Variants in DCT observed in about 807,000 individuals in gnomAD.
The protein encoded by DCT is L-dopachrome tautomerase.
In DCT, 47 loss-of-function variants were observed where a neutral mutation model predicts 53.0. The ratio of observed to expected loss-of-function variants is 0.89; its 90% CI spans 0.70 to 1.13. DCT has a LOEUF of 1.13. DCT is among the 50% of genes most tolerant of loss of function. The pLI is 0.00. For synonymous variants in DCT, 244 were observed against 237.0 expected, an observed-to-expected ratio of 1.03 and a Z score of -0.27; for missense variants, 669 against 637.4, an observed-to-expected ratio of 1.05 and a Z score of -0.53.
At chr13:94,448,903 CA>C (rs111824274) in intron 6 of DCT, among the ~76,000 whole-genome samples, 5,423 of 146,676 alleles carry the variant, frequency 0.037, 341 homozygotes, top group African/African-American at 0.13. Flanking sequence ...GACTCCATCT[CA>C]AAAAAAAAAT....
At chr13:94,456,604 T>G (rs974131805) in intron 6 of DCT, among the ~76,000 whole-genome samples, 1 of 152,222 alleles carries the variant, frequency 6.6e-6, no homozygotes, top group African/African-American at 2.4e-5. Context: ...ATGATAACAT[T>G]TGTATTGTAC....
At chr13:94,521,109 AT>A in the DCT span, among the ~76,000 whole-genome samples, 1 of 152,204 alleles carries the variant, frequency 6.6e-6, no homozygotes, top group South Asian at 2.1e-4. Flanking sequence ...TGTGGAGTCC[AT>A]CTGCCTGGTT....
Position 94,479,319 on chromosome 13 carries a change from C to T in DCT, c.-64G>A, listed in dbSNP as rs1355811846. The T allele has an allele frequency of 1.5e-6, 2 of 1,341,556 alleles. No individual in the cohort carries two copies. Among genetic ancestry groups the T allele is most frequent in the East Asian group, 4.9e-5 (2 of 40,490 alleles). The allele number at this position is 1,341,556 out of a possible 1,614,324, so 83.1% of individuals were successfully genotyped here. The stretch of plus-strand genomic sequence containing the variant: ...TCCTTGTCTCTGTCGTACTTTTCTC[C>T]TTATCTTCTACTCTTTCAGTCTTTT... On this transcript the variant is annotated 5_prime_UTR_variant, in exon 1 of 8. Transcript: ENST00000377028.
chr13:94,527,336 C>A, the DCT span, among the ~76,000 whole-genome samples: 1 of 152,232 alleles, frequency 6.6e-6, no homozygotes, highest in Admixed American at 6.5e-5. Flanking sequence ...TCAAGTGGGT[C>A]CCTGACCCCT....
chr13:94,490,991 A>G, the DCT span, among the ~76,000 whole-genome samples: 2 of 152,218 alleles, frequency 1.3e-5, no homozygotes, highest in African/African-American at 4.8e-5. Context: ...GGAGCTCAGC[A>G]GAAGAGTATG....
intron 5 of DCT, among the ~76,000 whole-genome samples, chr13:94,460,796 A>T: frequency 6.6e-6 from 1 of 152,216 alleles, no homozygotes; most frequent in African/African-American, 2.4e-5. Flanking sequence ...TTCTACCACC[A>T]TAGAAAGACT....
the DCT span, among the ~76,000 whole-genome samples, chr13:94,485,798 G>C: frequency 1.5e-4 from 23 of 152,260 alleles, no homozygotes; most frequent in Admixed American, 7.8e-4. Flanking sequence ...GAATTGCTAG[G>C]GAGTGACTGA....
intron 6 of DCT, chr13:94,444,506 T>C (rs751579233): frequency 7.3e-6 from 3 of 408,682 alleles, no homozygotes; most frequent in Non-Finnish European, 1.4e-5. Context: ...TTTTAAAATA[T>C]AGCAATTACT....
the DCT span, among the ~76,000 whole-genome samples, chr13:94,545,964 CT>C: frequency 6.6e-6 from 1 of 152,042 alleles, no homozygotes; most frequent in East Asian, 1.9e-4. Flanking sequence ...TCTGAGCCCC[CT>C]TCTAGACCAG....
intron 1 of DCT, among the ~76,000 whole-genome samples, chr13:94,474,970 TG>T (rs1884979942): frequency 1.3e-5 from 2 of 152,156 alleles, no homozygotes; most frequent in Admixed American, 1.3e-4. Context: ...ATCTCTTCCT[TG>T]AGAAATTTTG....
chr13:94,479,540 C>G lies in DCT; in HGVS notation c.-285G>C. ...ACCAAATTTAATGAGGGTAGCGCTT[C>G]TCACCATCTTCCCCCGTTAAGTCAG... is the stretch of plus-strand genomic sequence containing the variant. On this transcript the variant is annotated 5_prime_UTR_variant, in exon 1 of 8. Transcript: ENST00000377028. 6.3e-6 allele frequency: 2 copies of G among 319,690 alleles called. No homozygotes were observed. The highest frequency in any genetic ancestry group is 1.2e-5 in the Non-Finnish European group (2 of 173,692). 19.8% of individuals were successfully genotyped at this position (319,690 alleles called of 1,614,324 possible). A position where few individuals can be genotyped will look rare whatever the true frequency, so the allele number is the denominator to read the frequency against.
the DCT span, among the ~76,000 whole-genome samples, chr13:94,540,119 A>G: frequency 6.6e-6 from 1 of 152,206 alleles, no homozygotes; most frequent in African/African-American, 2.4e-5. Flanking sequence ...TTCTAAAAAA[A>G]AAAATGTGTT....
intron 6 of DCT, among the ~76,000 whole-genome samples, chr13:94,457,834 G>C (rs1006595270): frequency 6.6e-6 from 1 of 152,164 alleles, no homozygotes; most frequent in Non-Finnish European, 1.5e-5. Flanking sequence ...GAATGTGTAT[G>C]TTGTCTAAAT....
At chr13:94,494,378 A>G in the DCT span, among the ~76,000 whole-genome samples, 1 of 152,176 alleles carries the variant, frequency 6.6e-6, no homozygotes, top group Non-Finnish European at 1.5e-5. Flanking sequence ...AGGTGTAATC[A>G]GCCTCACTGA....
Position 94,479,041 on chromosome 13 carries a change from C to T in DCT, c.215G>A (p.Ser72Asn), listed in dbSNP as rs539459863. The T allele has an allele frequency of 9.3e-6, 15 of 1,614,256 alleles. No homozygotes were observed. In the East Asian group the frequency reaches 2.9e-4, roughly 31 times the overall value. ...TEVRADTRPW[S>N]GPYILRNQDD... is the part of the protein sequence containing the mutation. Reference sequence around the variant, plus strand: ...CTGGTTTCGTAGGATGTAGGGACCACTCCAGGGCCTTGTGTCGGCTCGCAC... The same window carrying T: ...CTGGTTTCGTAGGATGTAGGGACCATTCCAGGGCCTTGTGTCGGCTCGCAC... Residue 72 changes from serine (S) to asparagine (N), a missense_variant, in exon 1 of 8, where the codon AGT becomes AAT. Coordinates refer to ENST00000377028, the MANE Select transcript of DCT (RefSeq NM_001922.5).
chr13:94,533,312 G>C, the DCT span, among the ~76,000 whole-genome samples: 1 of 151,332 alleles, frequency 6.6e-6, no homozygotes, highest in East Asian at 1.9e-4. Context: ...AATTCTTTTT[G>C]TCCAAAAGAT....
intron 6 of DCT, among the ~76,000 whole-genome samples, chr13:94,451,804 G>A (rs549021626): frequency 4.6e-5 from 7 of 152,166 alleles, no homozygotes; most frequent in Admixed American, 3.9e-4. Context: ...ATCTTTACAT[G>A]ACCAGATTAT....
chr13:94,536,313 C>T, the DCT span, among the ~76,000 whole-genome samples: 1 of 152,152 alleles, frequency 6.6e-6, no homozygotes, highest in Non-Finnish European at 1.5e-5. Context: ...CCTGTGATGC[C>T]TCCAAGAAGC....
the DCT span, among the ~76,000 whole-genome samples, chr13:94,538,097 A>G: frequency 3.9e-5 from 6 of 152,090 alleles, no homozygotes; most frequent in Non-Finnish European, 8.8e-5. Context: ...TTGTGTGGAT[A>G]AGGTATAGGG....
Sources: allele counts gnomAD v4.1 joint callset (sites outside exome capture counted in the v4.1 genomes callset), GRCh38; gene constraint gnomAD v4.1.1; transcripts MANE v1.5; gene names NCBI Gene and HGNC (gene_info 2026-07-23, HGNC 2026-07-21).